The following ANO4 variants were observed in gnomAD, a reference collection of about 807,000 sequenced individuals.
The protein encoded by ANO4 is anoctamin-4.
In ANO4, 69 loss-of-function variants were observed where a neutral mutation model predicts 141.9. The ratio of observed to expected loss-of-function variants is 0.49; its 90% CI spans 0.40 to 0.59. The LOEUF (loss-of-function observed/expected upper bound fraction) is 0.59, where lower values mean the gene tolerates loss of function less well. Among genes scored for constraint, ANO4 ranks in the 20% least tolerant of loss-of-function variants. The pLI, the probability that ANO4 is intolerant of heterozygous loss-of-function variation, is 0.00. For missense variants in ANO4, 894 were observed against 1,162.2 expected, an observed-to-expected ratio of 0.77 and a Z score of 3.36; for synonymous variants, 350 against 394.3, an observed-to-expected ratio of 0.89 and a Z score of 1.33.
At chr12:101,117,994 T>C (rs1007075473) in intron 25 of ANO4, among the ~76,000 whole-genome samples, 3 of 151,972 alleles carry the variant, frequency 2.0e-5, no homozygotes, top group Admixed American at 1.3e-4. Flanking sequence ...CTTTCCCACA[T>C]GGAGTAACAA....
At chr12:100,847,240 G>T (rs1426859097) in intron 1 of ANO4, among the ~76,000 whole-genome samples, 2 of 152,180 alleles carry the variant, frequency 1.3e-5, no homozygotes, top group African/African-American at 4.8e-5. Context: ...ATGAGTGAAT[G>T]AATACATTTA....
intron 1 of ANO4, among the ~76,000 whole-genome samples, chr12:100,867,145 C>T (rs1231563874): frequency 6.6e-6 from 1 of 152,164 alleles, no homozygotes; most frequent in Non-Finnish European, 1.5e-5. Flanking sequence ...GTGTTGATTG[C>T]TGCAATAAAA....
At chr12:100,773,477 A>G (rs1185059149) in intron 3 of ANO4, among the ~76,000 whole-genome samples, 2 of 152,166 alleles carry the variant, frequency 1.3e-5, no homozygotes, top group Non-Finnish European at 2.9e-5. Context: ...CCCACACCCC[A>G]CATTTAGACA....
intron 1 of ANO4, among the ~76,000 whole-genome samples, chr12:100,861,406 A>G (rs1015109664): frequency 6.6e-6 from 1 of 152,202 alleles, no homozygotes; most frequent in African/African-American, 2.4e-5. Context: ...AGTGTAGGCA[A>G]TTGTAACACA....
At chr12:100,959,252 C>T (rs1380012976) in intron 5 of ANO4, among the ~76,000 whole-genome samples, 1 of 152,140 alleles carries the variant, frequency 6.6e-6, no homozygotes, top group Non-Finnish European at 1.5e-5. Context: ...GTCGCGGGAG[C>T]TCTCCTATTA....
chr12:100,785,548 T>G (rs1341708227), intron 3 of ANO4, among the ~76,000 whole-genome samples: 2 of 152,230 alleles, frequency 1.3e-5, no homozygotes, highest in Admixed American at 1.3e-4. Context: ...GCATTTAAGA[T>G]TCCCTCATGT....
At chr12:100,910,130 A>G (rs4764768) in intron 2 of ANO4, among the ~76,000 whole-genome samples, 34,089 of 152,148 alleles carry the variant, frequency 0.22, 4,593 homozygotes, top group Middle Eastern at 0.39. Context: ...GCAATCCTAC[A>G]TAGCCTTGTT....
At chr12:101,105,849 G>A (rs570832619) in intron 22 of ANO4, among the ~76,000 whole-genome samples, 14 of 152,226 alleles carry the variant, frequency 9.2e-5, no homozygotes, top group Non-Finnish European at 1.5e-4. Flanking sequence ...GGCTGGGTAC[G>A]GTGGCCCACG....
chr12:100,868,642 G>A (rs1319678173), intron 1 of ANO4, among the ~76,000 whole-genome samples: 1 of 152,062 alleles, frequency 6.6e-6, no homozygotes, highest in Non-Finnish European at 1.5e-5. Context: ...GCAGAAGAAA[G>A]CCACCACACC....
chr12:100,913,085 TA>T (rs767785514), intron 2 of ANO4, among the ~76,000 whole-genome samples: 8 of 152,158 alleles, frequency 5.3e-5, no homozygotes, highest in South Asian at 4.1e-4. Flanking sequence ...GTAACAACAT[TA>T]TTTTTTTTCT....
At chr12:100,944,981 A>G (rs2042666278) in intron 5 of ANO4, among the ~76,000 whole-genome samples, 1 of 152,204 alleles carries the variant, frequency 6.6e-6, no homozygotes, top group Non-Finnish European at 1.5e-5. Context: ...TGGCGATTTC[A>G]GCTTCCAGGA....
intron 3 of ANO4, among the ~76,000 whole-genome samples, chr12:100,780,222 A>AG (rs751262012): frequency 6.6e-6 from 1 of 152,118 alleles, no homozygotes; most frequent in East Asian, 1.9e-4. Flanking sequence ...TCACTAATGC[A>AG]GGAAAACCCC....
chr12:100,965,024 G>A (rs1014241247), intron 5 of ANO4, among the ~76,000 whole-genome samples: 2 of 152,100 alleles, frequency 1.3e-5, no homozygotes, highest in African/African-American at 4.8e-5. Flanking sequence ...AACATCACAG[G>A]CCATCAGTAA....
chr12:100,733,725 G>A (rs1341587270), intron 1 of ANO4: 2 of 681,802 alleles, frequency 2.9e-6, no homozygotes, highest in African/African-American at 1.8e-5. Context: ...TGTGGTCATG[G>A]TGTCTACTAA....
At position 100,939,350 on chromosome 12, in the gene ANO4, G is replaced by A; in HGVS notation, c.196G>A (p.Glu66Lys). The A allele has an allele frequency of 1.2e-6, 2 of 1,613,406 alleles. No homozygotes were observed. Among genetic ancestry groups the A allele is most frequent in the Admixed American group, 3.3e-5 (2 of 60,006 alleles). The change falls in exon 4 of 28, where the codon GAA (glutamate) becomes AAA (lysine). Residue 66 changes from glutamate (E) to lysine (K), a missense_variant. Glu to Lys is a moderately conservative substitution (Grantham distance 56, BLOSUM62 1). Coordinates refer to ENST00000392977, the MANE Select transcript of ANO4 (RefSeq NM_001286615.2). ...KDVNILFDEL[E>K]AVSSPCKDDD... ...TGTCAATATTCTTTTTGATGAATTA[G>A]AAGCTGTCAGCAGTCCTTGCAAAGA...
upstream of ANO4, among the ~76,000 whole-genome samples, chr12:100,794,075 A>G (rs1235887372): frequency 1.3e-5 from 2 of 152,204 alleles, no homozygotes; most frequent in Non-Finnish European, 2.9e-5. Flanking sequence ...CAATATTTCT[A>G]TACCTATATT....
intron 1 of ANO4, among the ~76,000 whole-genome samples, chr12:100,855,599 T>G (rs1396515782): frequency 8.5e-5 from 13 of 152,354 alleles, no homozygotes; most frequent in South Asian, 8.3e-4. Context: ...TTTCTGTTTT[T>G]CCTTGTTTAT....
Position 100,740,115 on chromosome 12 carries a change from G to T in ANO4, c.358+10G>T, listed in dbSNP as rs190443427. The T allele has an allele frequency of 1.9e-4, 133 of 701,590 alleles. No individual in the cohort carries two copies. The East Asian group carries it at 2.5e-3, about 13-fold the overall frequency. 43.5% of individuals were successfully genotyped at this position (701,590 alleles called of 1,614,324 possible). On this transcript the variant is annotated intron_variant, in intron 3 of 29. Coordinates refer to the ANO4 transcript ENST00000644049. ...AGTCAAGACACAACAGGTAAGTGTTGGCTTCCTGTTGGAGATTCGGGACTG... is the reference window on the plus strand; with the variant it reads ...AGTCAAGACACAACAGGTAAGTGTTTGCTTCCTGTTGGAGATTCGGGACTG...
intron 22 of ANO4, among the ~76,000 whole-genome samples, chr12:101,104,593 A>ATGTGTGTGTGTG (rs745870723): frequency 1.1e-5 from 1 of 94,716 alleles, no homozygotes; most frequent in African/African-American, 5.1e-5. Context: ...TAATATATAT[A>ATGTGTGTGTGTG]TGTGTGTGTG....
Sources: allele counts gnomAD v4.1 joint callset (sites outside exome capture counted in the v4.1 genomes callset), GRCh38; gene constraint gnomAD v4.1.1; transcripts MANE v1.5; gene names NCBI Gene and HGNC (gene_info 2026-07-23, HGNC 2026-07-21).